The following ASZ1 variants were observed in gnomAD, a reference collection of about 807,000 sequenced individuals.
ASZ1 encodes ankyrin repeat, SAM and basic leucine zipper domain containing 1.
In ASZ1, 67 loss-of-function variants were observed where a neutral mutation model predicts 61.8. That is an observed-to-expected ratio of 1.08 (90% CI 0.89 to 1.33). The LOEUF is 1.33. Ranked by LOEUF, ASZ1 falls within the 40% of genes most tolerant of loss-of-function variation. ASZ1 has a pLI of 0.00. For missense variants in ASZ1, 577 were observed against 554.5 expected, an observed-to-expected ratio of 1.04 and a Z score of -0.41; for synonymous variants, 193 against 192.7, an observed-to-expected ratio of 1.00 and a Z score of -0.01.
intron 4 of ASZ1, among the ~76,000 whole-genome samples, chr7:117,391,170 T>A (rs1484741462): frequency 1.3e-5 from 2 of 152,116 alleles, no homozygotes; most frequent in Non-Finnish European, 2.9e-5. Flanking sequence ...GCCTACTTTT[T>A]AATGAGGTTA....
chr7:117,382,247 T>G, intron 7 of ASZ1, 103 bp from the exon 8 acceptor site: 1 of 758,072 alleles, frequency 1.3e-6, no homozygotes, highest in Non-Finnish European at 2.2e-6. Context: ...AATGAATTCA[T>G]GTAGAATATA....
intron 4 of ASZ1, among the ~76,000 whole-genome samples, chr7:117,405,083 T>C (rs1796756693): frequency 6.6e-6 from 1 of 152,068 alleles, no homozygotes; most frequent in Non-Finnish European, 1.5e-5. Context: ...ACCTTGGTGG[T>C]GGCCAATGTA....
intron 10 of ASZ1, among the ~76,000 whole-genome samples, chr7:117,371,328 T>A: frequency 6.6e-6 from 1 of 152,162 alleles, no homozygotes; most frequent in Non-Finnish European, 1.5e-5. Context: ...TCTATTCTCT[T>A]AGCTATTAGG....
chr7:117,372,998 ATAAC>A (rs1796075818), intron 10 of ASZ1, among the ~76,000 whole-genome samples: 1 of 152,130 alleles, frequency 6.6e-6, no homozygotes, highest in South Asian at 2.1e-4. Flanking sequence ...ATGTTTATAA[ATAAC>A]AGGGGTGAAC....
Position 117,383,413 on chromosome 7 carries a change from T to G in ASZ1, c.688-303A>C, listed in dbSNP as rs550314626. Among the ~76,000 whole-genome samples, 4 of 152,106 alleles carry G rather than the reference T, an allele frequency of 2.6e-5. No homozygotes were observed. The East Asian group carries it at 7.7e-4, about 29-fold the overall frequency. On this transcript the variant is annotated intron_variant, in intron 6 of 12. Coordinates refer to ENST00000284629, the MANE Select transcript of ASZ1 (RefSeq NM_130768.3). ...CTACAATAATCAGAAAAGAAAAAAGTACATCTAATTCAAAATAGTAAAAAT... is the reference window on the plus strand; with the variant it reads ...CTACAATAATCAGAAAAGAAAAAAGGACATCTAATTCAAAATAGTAAAAAT...
At chr7:117,403,421 A>T (rs1796717669) in intron 4 of ASZ1, among the ~76,000 whole-genome samples, 1 of 152,076 alleles carries the variant, frequency 6.6e-6, no homozygotes, top group Admixed American at 6.5e-5. Context: ...GTATTGCTTC[A>T]GCACTACTAT....
intron 4 of ASZ1, among the ~76,000 whole-genome samples, chr7:117,415,991 G>A (rs1187299556): frequency 6.6e-6 from 1 of 152,108 alleles, no homozygotes; most frequent in Non-Finnish European, 1.5e-5. Flanking sequence ...AGAAGTTCGA[G>A]ACCAGCCTGG....
At chr7:117,405,380 C>T (rs991827590) in intron 4 of ASZ1, among the ~76,000 whole-genome samples, 2 of 152,234 alleles carry the variant, frequency 1.3e-5, no homozygotes, top group Non-Finnish European at 2.9e-5. Context: ...AACTGATGCA[C>T]CCTTGCCTGT....
At chr7:117,371,026 T>C (rs1484564603) in intron 10 of ASZ1, among the ~76,000 whole-genome samples, 1 of 152,136 alleles carries the variant, frequency 6.6e-6, no homozygotes, top group African/African-American at 2.4e-5. Context: ...GGTTTCACCA[T>C]GTTGGCCCGG....
intron 4 of ASZ1, among the ~76,000 whole-genome samples, chr7:117,412,247 T>C (rs1184712173): frequency 6.6e-6 from 1 of 151,866 alleles, no homozygotes; most frequent in Non-Finnish European, 1.5e-5. Flanking sequence ...TTTAATATCT[T>C]ATGACAAAAT....
chr7:117,367,970 C>T, intron 11 of ASZ1: 1 of 718,520 alleles, frequency 1.4e-6, no homozygotes, highest in Non-Finnish European at 1.7e-6. Context: ...CTGCCTCAAC[C>T]TCTTGGGCTC....
At chr7:117,385,585 C>A in intron 5 of ASZ1, 113 bp downstream of exon 5, 1 of 870,554 alleles carries the variant, frequency 1.1e-6, no homozygotes, top group African/African-American at 1.7e-5. Context: ...TTTTTTTCAC[C>A]AGATAGCAAT....
chr7:117,379,162 TATATATACAC>T (rs1796201319), intron 10 of ASZ1, among the ~76,000 whole-genome samples: 1 of 57,068 alleles, frequency 1.8e-5, no homozygotes, highest in African/African-American at 1.2e-4. Flanking sequence ...TATATATATA[TATATATACAC>T]ACACACACAC....
At chr7:117,377,762 A>G (rs1346207410) in intron 10 of ASZ1, among the ~76,000 whole-genome samples, 1 of 152,108 alleles carries the variant, frequency 6.6e-6, no homozygotes, top group African/African-American at 2.4e-5. Flanking sequence ...AAAGAACAAA[A>G]TGGGAGGAAT....
intron 4 of ASZ1, among the ~76,000 whole-genome samples, chr7:117,389,174 C>CTT (rs765121578): frequency 3.5e-5 from 5 of 144,126 alleles, no homozygotes; most frequent in Non-Finnish European, 6.1e-5. Flanking sequence ...ATCCAGAAGT[C>CTT]TTTTTTTTTT....
chr7:117,368,466 A>T, intron 11 of ASZ1, 146 bp downstream of exon 11: 1 of 1,388,560 alleles, frequency 7.2e-7, no homozygotes, highest in Non-Finnish European at 9.3e-7. Context: ...TATTAAACAA[A>T]TTGACTTATT....
intron 6 of ASZ1, among the ~76,000 whole-genome samples, chr7:117,383,568 G>A (rs1458307761): frequency 6.6e-6 from 1 of 151,926 alleles, no homozygotes; most frequent in African/African-American, 2.4e-5. Context: ...AGAGAGTAAT[G>A]AGCATGACTA....
chr7:117,414,060 T>C (rs1247327063), intron 4 of ASZ1, among the ~76,000 whole-genome samples: 1 of 151,752 alleles, frequency 6.6e-6, no homozygotes, highest in Non-Finnish European at 1.5e-5. Context: ...GACTGAAAAA[T>C]GGAAAATGAA....
intron 2 of ASZ1, among the ~76,000 whole-genome samples, chr7:117,424,094 A>T (rs539139175): frequency 1.3e-5 from 2 of 152,326 alleles, no homozygotes; most frequent in South Asian, 4.1e-4. Flanking sequence ...AAAGATACTC[A>T]TAAGAATGAT....
Sources: allele counts gnomAD v4.1 joint callset (sites outside exome capture counted in the v4.1 genomes callset), GRCh38; gene constraint gnomAD v4.1.1; transcripts MANE v1.5; gene names NCBI Gene and HGNC (gene_info 2026-07-23, HGNC 2026-07-21).